The following PARM1 variants were observed in gnomAD, a reference collection of about 807,000 sequenced individuals.
PARM1 encodes prostate androgen-regulated mucin-like protein 1.
PARM1 carries 14 observed loss-of-function variants against 24.6 expected under a neutral mutation model. The observed-to-expected ratio is 0.57, with a 90% CI of 0.38 to 0.89. The LOEUF is 0.89. Ranked by LOEUF, PARM1 falls within the 40% of genes least tolerant of loss-of-function variation. The probability of loss-of-function intolerance (pLI) is 0.00; values close to 1 mark genes in which losing one functional copy is unlikely to be tolerated. For missense variants in PARM1, 362 were observed against 380.4 expected, an observed-to-expected ratio of 0.95 and a Z score of 0.40; for synonymous variants, 179 against 156.6, an observed-to-expected ratio of 1.14 and a Z score of -1.07.
chr4:74,997,863 A>AT (rs1248155077), intron 1 of PARM1: 1 of 152,128 alleles, frequency 6.6e-6, no homozygotes, highest in African/African-American at 2.4e-5. Context: ...TTTTTTGAAT[A>AT]TTTTTTCTAA....
intron 3 of PARM1, among the ~76,000 whole-genome samples, chr4:75,038,158 G>A (rs916642916): frequency 1.3e-5 from 2 of 152,108 alleles, no homozygotes; most frequent in Non-Finnish European, 2.9e-5. Flanking sequence ...CTGGTGATCC[G>A]CCCACCTTGG....
intron 1 of PARM1, among the ~76,000 whole-genome samples, chr4:74,950,491 G>A (rs780232742): frequency 6.6e-6 from 1 of 152,142 alleles, no homozygotes; most frequent in African/African-American, 2.4e-5. Context: ...TATTGGATTA[G>A]GGCCCATTTT....
At chr4:74,943,981 G>A (rs920576092) in intron 1 of PARM1, among the ~76,000 whole-genome samples, 5 of 152,164 alleles carry the variant, frequency 3.3e-5, no homozygotes, top group African/African-American at 7.2e-5. Flanking sequence ...TTTATACTAA[G>A]CAATGGATAG....
At chr4:74,959,144 A>G (rs866319358) in intron 1 of PARM1, among the ~76,000 whole-genome samples, 1 of 152,250 alleles carries the variant, frequency 6.6e-6, no homozygotes, top group African/African-American at 2.4e-5. Flanking sequence ...TTTAATTTAA[A>G]TAGCCATGCA....
At chr4:74,993,852 A>G (rs1272137001) in intron 1 of PARM1, 1 of 152,148 alleles carries the variant, frequency 6.6e-6, no homozygotes. Context: ...TTTCATAGGT[A>G]GGTACATATG....
intron 1 of PARM1, among the ~76,000 whole-genome samples, chr4:74,942,234 G>T (rs1721323905): frequency 6.6e-6 from 1 of 152,176 alleles, no homozygotes; most frequent in Non-Finnish European, 1.5e-5. Context: ...TGTATCCCCA[G>T]CACGTAGAAC....
chr4:75,026,847 A>G (rs980085136), intron 2 of PARM1, among the ~76,000 whole-genome samples: 1 of 152,190 alleles, frequency 6.6e-6, no homozygotes, highest in Non-Finnish European at 1.5e-5. Flanking sequence ...TTTACAAAGC[A>G]TTTGATCTTC....
chr4:75,014,738 CTG>C (rs2109796408), intron 2 of PARM1, among the ~76,000 whole-genome samples: 1 of 152,320 alleles, frequency 6.6e-6, no homozygotes, highest in South Asian at 2.1e-4. Flanking sequence ...GAGAGTGGAT[CTG>C]CAGAGGTGAA....
chr4:75,020,492 TCC>T (rs34039245), intron 2 of PARM1, among the ~76,000 whole-genome samples: 9,966 of 141,772 alleles, frequency 0.07, 1,142 homozygotes, highest in African/African-American at 0.24. Context: ...GCCCCTCATT[TCC>T]CCCCCCCCGC....
At chr4:74,977,914 G>A (rs1722169891) in intron 1 of PARM1, among the ~76,000 whole-genome samples, 1 of 152,182 alleles carries the variant, frequency 6.6e-6, no homozygotes, top group South Asian at 2.1e-4. Context: ...ACAAACAAAT[G>A]TTGAGGGAAT....
chr4:75,029,039 C>A (rs1423908019), intron 2 of PARM1, among the ~76,000 whole-genome samples: 2 of 152,188 alleles, frequency 1.3e-5, no homozygotes, highest in African/African-American at 4.8e-5. Flanking sequence ...GAGGCTTGGA[C>A]ATGAACAGAA....
chr4:74,933,188 C>A lies in PARM1; in HGVS notation c.-140C>A. The A allele has an allele frequency of 1.5e-6, 1 of 648,514 alleles. No individual in the cohort carries two copies. The highest frequency in any genetic ancestry group is 2.7e-6 in the Non-Finnish European group (1 of 369,654). The allele number at this position is 648,514 out of a possible 1,614,324, so 40.2% of individuals were successfully genotyped here. A position where few individuals can be genotyped will look rare whatever the true frequency, so the allele number is the denominator to read the frequency against. On this transcript the variant is annotated 5_prime_UTR_variant, in exon 1 of 4. Transcript: ENST00000307428. ...GCGTTCGCCTCGTTTGCCTCGCGCC[C>A]TCCACTGGAGCTGTTCGCGCCTCCC... is the stretch of plus-strand genomic sequence containing the variant.
chr4:75,015,500 A>G (rs2109796877), intron 2 of PARM1, among the ~76,000 whole-genome samples: 1 of 152,322 alleles, frequency 6.6e-6, no homozygotes, highest in Non-Finnish European at 1.5e-5. Flanking sequence ...GACCTACTAA[A>G]TCAAAAAATA....
At chr4:74,987,322 C>A (rs1368743223) in intron 1 of PARM1, among the ~76,000 whole-genome samples, 1 of 151,928 alleles carries the variant, frequency 6.6e-6, no homozygotes, top group Non-Finnish European at 1.5e-5. Context: ...CCACAGAGAC[C>A]CATTTCTTTG....
At chr4:75,008,872 T>A (rs1722817950) in intron 1 of PARM1, among the ~76,000 whole-genome samples, 1 of 152,166 alleles carries the variant, frequency 6.6e-6, no homozygotes, top group Non-Finnish European at 1.5e-5. Flanking sequence ...AGGCTCTCTC[T>A]ACCTCCATCT....
chr4:75,006,105 T>C (rs1356749230), intron 1 of PARM1, among the ~76,000 whole-genome samples: 3 of 152,228 alleles, frequency 2.0e-5, no homozygotes, highest in Admixed American at 2.0e-4. Flanking sequence ...GAAAAGTGGC[T>C]GTGTTTTGGG....
intron 1 of PARM1, chr4:74,956,189 T>C (rs1269386284): frequency 7.9e-5 from 12 of 152,228 alleles, no homozygotes; most frequent in Admixed American, 7.2e-4. Context: ...TGAGGTGACA[T>C]GTACAAAGTC....
At chr4:75,007,012 T>A (rs963776862) in intron 1 of PARM1, among the ~76,000 whole-genome samples, 5 of 152,092 alleles carry the variant, frequency 3.3e-5, no homozygotes, top group Non-Finnish European at 7.3e-5. Context: ...TACAAAGAAC[T>A]TAAATAAATT....
At chr4:74,934,051 C>G (rs1357864154) in intron 1 of PARM1, among the ~76,000 whole-genome samples, 4 of 152,136 alleles carry the variant, frequency 2.6e-5, no homozygotes, top group Non-Finnish European at 5.9e-5. Context: ...CATCCTCTCC[C>G]CTCCCCCTGC....
Sources: gnomAD v4.1 joint callset for allele counts (sites outside exome capture counted in the v4.1 genomes callset) on GRCh38, gnomAD v4.1.1 for gene constraint, MANE v1.5 for transcripts, NCBI Gene and HGNC (gene_info 2026-07-23, HGNC 2026-07-21) for gene names.